Variants in EYS observed in about 807,000 individuals in gnomAD.
EYS encodes protein eyes shut homolog.
In EYS, 250 loss-of-function variants were observed where a neutral mutation model predicts 282.1. The ratio of observed to expected loss-of-function variants is 0.89; its 90% confidence interval spans 0.80 to 0.98. The LOEUF (loss-of-function observed/expected upper bound fraction) is 0.98, where lower values mean the gene tolerates loss of function less well. Ranked by LOEUF, EYS falls within the 50% of genes least tolerant of loss-of-function variation. The pLI is 0.00. For missense variants in EYS, 4,016 were observed against 3,709.0 expected, an observed-to-expected ratio of 1.08 and a Z score of -2.15; for synonymous variants, 1,355 against 1,282.9, an observed-to-expected ratio of 1.06 and a Z score of -1.20.
At chr6:64,407,375 C>T (rs1773752484) in intron 28 of EYS, among the ~76,000 whole-genome samples, 1 of 148,834 alleles carries the variant, frequency 6.7e-6, no homozygotes, top group South Asian at 2.1e-4. Flanking sequence ...TGCAACAAAG[C>T]ACCATGGCAC....
rs1454171059 is a variant in EYS at position 64,072,835 on chromosome 6, TAGG to T, written c.6572-6347_6572-6345del. 2.0e-5 allele frequency among the ~76,000 whole-genome samples: 3 copies of T among 152,084 alleles called. No individual in the cohort carries two copies. The East Asian group carries it at 5.8e-4, about 29-fold the overall frequency. ...ATATTTTTGAGATAAGTCTTAAAAA[TAGG>T]ATATATAGTGTAGGGTAGAACAGAA... On this transcript the variant is annotated intron_variant, in intron 32 of 42. Transcript: ENST00000503581.
At chr6:64,902,350 G>T in intron 17 of EYS, 54 bp downstream of exon 17, 1 of 1,331,640 alleles carries the variant, frequency 7.5e-7, no homozygotes, top group Non-Finnish European at 1.0e-6. Context: ...TTCTATACCT[G>T]TATACATCTA....
intron 5 of EYS, among the ~76,000 whole-genome samples, chr6:65,421,004 A>G (rs1767436806): frequency 6.6e-6 from 1 of 151,880 alleles, no homozygotes; most frequent in African/African-American, 2.4e-5. Context: ...TAAATTTAGC[A>G]TCTTTCTTAA....
chr6:64,715,957 C>T (rs1771377141), intron 22 of EYS, among the ~76,000 whole-genome samples: 1 of 152,152 alleles, frequency 6.6e-6, no homozygotes, highest in Non-Finnish European at 1.5e-5. Context: ...TCTTATAACT[C>T]CAAACCTCTG....
chr6:65,131,607 G>C (rs902528486), intron 12 of EYS, among the ~76,000 whole-genome samples: 1 of 151,724 alleles, frequency 6.6e-6, no homozygotes, highest in African/African-American at 2.4e-5. Flanking sequence ...ATAGCACTAA[G>C]TGCTGACATC....
chr6:65,470,508 A>AT (rs964957469), intron 5 of EYS, among the ~76,000 whole-genome samples: 2 of 152,190 alleles, frequency 1.3e-5, no homozygotes, highest in East Asian at 1.9e-4. Flanking sequence ...TATACATTCA[A>AT]TTTTTTTGCA....
At chr6:65,271,985 A>G (rs1767918510) in intron 12 of EYS, among the ~76,000 whole-genome samples, 1 of 152,164 alleles carries the variant, frequency 6.6e-6, no homozygotes, top group Non-Finnish European at 1.5e-5. Context: ...TCTTAGTCCT[A>G]TGTCTACAGG....
intron 31 of EYS, among the ~76,000 whole-genome samples, chr6:64,122,175 T>A (rs925050879): frequency 6.6e-6 from 1 of 152,160 alleles, no homozygotes; most frequent in African/African-American, 2.4e-5. Context: ...AGATTTAGGA[T>A]CTAATAGTGA....
intron 22 of EYS, among the ~76,000 whole-genome samples, chr6:64,775,040 C>T (rs1773636792): frequency 6.6e-6 from 1 of 151,922 alleles, no homozygotes; most frequent in African/African-American, 2.4e-5. Flanking sequence ...ACTCGAATGC[C>T]TAGAGATGTC....
intron 31 of EYS, among the ~76,000 whole-genome samples, chr6:64,168,453 A>C (rs1206009627): frequency 2.0e-5 from 3 of 152,218 alleles, no homozygotes; most frequent in Admixed American, 6.5e-5. Context: ...TAGGTATCTA[A>C]GCAAGAGAAA....
intron 26 of EYS, among the ~76,000 whole-genome samples, chr6:64,499,315 T>G (rs570004490): frequency 6.6e-6 from 1 of 152,328 alleles, no homozygotes; most frequent in East Asian, 1.9e-4. Flanking sequence ...TGTTATTTTA[T>G]GTCTCTTGGC....
At chr6:64,562,056 C>T (rs1373103220) in intron 26 of EYS, among the ~76,000 whole-genome samples, 3 of 151,674 alleles carry the variant, frequency 2.0e-5, no homozygotes, top group African/African-American at 4.8e-5. Flanking sequence ...GCACATAGAC[C>T]AATGGAAACA....
At chr6:64,434,761 T>C (rs1469217667) in intron 28 of EYS, among the ~76,000 whole-genome samples, 1 of 152,132 alleles carries the variant, frequency 6.6e-6, no homozygotes, top group Non-Finnish European at 1.5e-5. Flanking sequence ...AATACATTCA[T>C]ATATGTAATA....
chr6:64,268,006 C>T (rs182496590), intron 30 of EYS, among the ~76,000 whole-genome samples: 71 of 151,982 alleles, frequency 4.7e-4, no homozygotes, highest in African/African-American at 1.6e-3. Flanking sequence ...TATATCTTTC[C>T]ACTTTTGAAA....
At chr6:64,121,890 T>G (rs375638691) in intron 31 of EYS, among the ~76,000 whole-genome samples, 1 of 152,312 alleles carries the variant, frequency 6.6e-6, no homozygotes, top group East Asian at 1.9e-4. Context: ...TAGACAGGGC[T>G]TAGTCAATAC....
At chr6:63,898,477 C>T (rs533597783) in intron 35 of EYS, among the ~76,000 whole-genome samples, 63 of 149,106 alleles carry the variant, frequency 4.2e-4, no homozygotes, top group African/African-American at 1.5e-3. Flanking sequence ...AGCAAAAGAG[C>T]GAGATTCCAT....
chr6:64,211,868 C>G (rs768408313), intron 31 of EYS, among the ~76,000 whole-genome samples: 2 of 151,842 alleles, frequency 1.3e-5, no homozygotes, highest in Non-Finnish European at 2.9e-5. Context: ...GTAATCCCAG[C>G]ACTTTCAGAG....
intron 26 of EYS, among the ~76,000 whole-genome samples, chr6:64,515,754 A>G (rs1777540913): frequency 6.6e-6 from 1 of 151,648 alleles, no homozygotes; most frequent in African/African-American, 2.4e-5. Flanking sequence ...AGAAATTAAT[A>G]CATTTTTAAA....
chr6:63,970,942 A>G (rs1409056041), intron 35 of EYS, among the ~76,000 whole-genome samples: 1 of 152,246 alleles, frequency 6.6e-6, no homozygotes, highest in African/African-American at 2.4e-5. Flanking sequence ...TTAATGAGGA[A>G]AATAGTAAGA....
Sources: allele counts gnomAD v4.1 joint callset (sites outside exome capture counted in the v4.1 genomes callset), GRCh38; gene constraint gnomAD v4.1.1; transcripts MANE v1.5; gene names NCBI Gene and HGNC (gene_info 2026-07-23, HGNC 2026-07-21).